The following PXDNL variants were observed in gnomAD, a reference collection of about 807,000 sequenced individuals.
The protein encoded by PXDNL is probable oxidoreductase PXDNL.
PXDNL carries 145 observed loss-of-function variants against 150.8 expected under a neutral mutation model. The observed-to-expected ratio is 0.96, with a 90% CI of 0.84 to 1.10. The LOEUF (loss-of-function observed/expected upper bound fraction) is 1.10, where lower values mean the gene tolerates loss of function less well. PXDNL is among the 50% of genes least tolerant of loss of function. The pLI is 0.00. For synonymous variants in PXDNL, 757 were observed against 725.7 expected (o/e 1.04, Z -0.69); for missense variants, 2,087 against 1,873.9 (o/e 1.11, Z -2.10).
At chr8:51,715,140 C>A (rs1263546889) in intron 1 of PXDNL, among the ~76,000 whole-genome samples, 2 of 152,176 alleles carry the variant, frequency 1.3e-5, no homozygotes, top group South Asian at 4.1e-4. Flanking sequence ...TTTTTTAAAA[C>A]TCTGACAACT....
chr8:51,546,885 G>C (rs1200952916), intron 4 of PXDNL, among the ~76,000 whole-genome samples: 1 of 152,148 alleles, frequency 6.6e-6, no homozygotes, highest in Non-Finnish European at 1.5e-5. Context: ...GCTTCCCCCA[G>C]TTCTCTGAAA....
At chr8:51,615,711 T>C (rs1446786640) in intron 2 of PXDNL, among the ~76,000 whole-genome samples, 4 of 152,210 alleles carry the variant, frequency 2.6e-5, no homozygotes, top group Non-Finnish European at 4.4e-5. Context: ...CTCCTTAAGA[T>C]AGATTTTACC....
chr8:51,724,143 G>A (rs747251244), intron 1 of PXDNL, among the ~76,000 whole-genome samples: 2 of 152,072 alleles, frequency 1.3e-5, no homozygotes, highest in Admixed American at 6.6e-5. Context: ...TGGGAGGACG[G>A]GTGGAGACTG....
chr8:51,787,601 C>T (rs1012170643), intron 1 of PXDNL, among the ~76,000 whole-genome samples: 1 of 152,180 alleles, frequency 6.6e-6, no homozygotes, highest in Non-Finnish European at 1.5e-5. Context: ...CATAATCAAA[C>T]TTGAACAAAT....
chr8:51,411,104 C>T (rs530349046), intron 16 of PXDNL, 146 bp downstream of exon 16: 97 of 603,368 alleles, frequency 1.6e-4, no homozygotes, highest in Non-Finnish European at 2.3e-4. Context: ...TGAGAAACAT[C>T]TGCATTTATT....
chr8:51,353,168 T>C (rs192657884), intron 19 of PXDNL, among the ~76,000 whole-genome samples: 124 of 150,220 alleles, frequency 8.3e-4, no homozygotes, highest in Non-Finnish European at 1.2e-3. Context: ...GTATTATATA[T>C]ATATTATACC....
chr8:51,620,786 T>G (rs1483402916), intron 2 of PXDNL, among the ~76,000 whole-genome samples: 1 of 152,172 alleles, frequency 6.6e-6, no homozygotes, highest in Non-Finnish European at 1.5e-5. Context: ...GCTCAGGCAA[T>G]CCACCTGCCT....
intron 19 of PXDNL, among the ~76,000 whole-genome samples, chr8:51,365,645 C>T (rs1364309416): frequency 6.6e-6 from 1 of 152,136 alleles, no homozygotes; most frequent in Non-Finnish European, 1.5e-5. Flanking sequence ...CTTTCTTCAA[C>T]TGGAATGACA....
intron 2 of PXDNL, among the ~76,000 whole-genome samples, chr8:51,600,841 C>T (rs188262831): frequency 0.012 from 1,342 of 112,708 alleles, 10 homozygotes; most frequent in South Asian, 0.025. Context: ...TAATAAATTA[C>T]ATCTTATATA....
intron 3 of PXDNL, among the ~76,000 whole-genome samples, chr8:51,586,891 C>T (rs796348751): frequency 1.8e-4 from 28 of 152,234 alleles, no homozygotes; most frequent in Admixed American, 5.2e-4. Flanking sequence ...AGAATGATAA[C>T]CATGGCCAGA....
At chr8:51,801,403 G>C (rs747759017) in intron 1 of PXDNL, among the ~76,000 whole-genome samples, 2 of 151,864 alleles carry the variant, frequency 1.3e-5, no homozygotes, top group African/African-American at 4.8e-5. Context: ...CCTTTGCCTT[G>C]TGATCTTTAT....
chr8:51,778,385 G>A (rs1010159758), intron 1 of PXDNL, among the ~76,000 whole-genome samples: 1 of 152,104 alleles, frequency 6.6e-6, no homozygotes, highest in African/African-American at 2.4e-5. Context: ...GACTTTGGAG[G>A]GTGACTACTG....
At chr8:51,452,036 G>C (rs1809819283) in intron 10 of PXDNL, among the ~76,000 whole-genome samples, 1 of 152,186 alleles carries the variant, frequency 6.6e-6, no homozygotes. Flanking sequence ...AAGGTTACCA[G>C]AGTTCTGTTA....
At chr8:51,637,974 G>C (rs1410365169) in intron 2 of PXDNL, among the ~76,000 whole-genome samples, 1 of 152,176 alleles carries the variant, frequency 6.6e-6, no homozygotes, top group Non-Finnish European at 1.5e-5. Context: ...ACCCACAAGG[G>C]GAAGCCCATC....
chr8:51,392,939 C>G (rs372958228), intron 17 of PXDNL, among the ~76,000 whole-genome samples: 3 of 152,114 alleles, frequency 2.0e-5, no homozygotes, highest in Non-Finnish European at 4.4e-5. Flanking sequence ...AGAGAGTACA[C>G]TATTGGGAGT....
At chr8:51,493,483 G>A (rs1275599537) in intron 5 of PXDNL, among the ~76,000 whole-genome samples, 4 of 152,088 alleles carry the variant, frequency 2.6e-5, no homozygotes, top group Admixed American at 2.0e-4. Flanking sequence ...AAACTACTCC[G>A]AGCTAAAGGA....
intron 19 of PXDNL, among the ~76,000 whole-genome samples, chr8:51,365,860 T>C (rs1184624802): frequency 6.6e-6 from 1 of 152,164 alleles, no homozygotes. Flanking sequence ...ACTGAGCTCC[T>C]GCACCAGGCC....
At chr8:51,540,598 T>C (rs1196897384) in intron 4 of PXDNL, among the ~76,000 whole-genome samples, 1 of 152,202 alleles carries the variant, frequency 6.6e-6, no homozygotes, top group African/African-American at 2.4e-5. Flanking sequence ...TTAAATCCTT[T>C]AAAATTTATT....
At chr8:51,341,945 AC>A (rs1805995689) in intron 20 of PXDNL, among the ~76,000 whole-genome samples, 1 of 152,168 alleles carries the variant, frequency 6.6e-6, no homozygotes, top group Non-Finnish European at 1.5e-5. Context: ...TAGCAATCCC[AC>A]GCCTGGGTAT....
Sources: gnomAD v4.1 joint callset for allele counts (sites outside exome capture counted in the v4.1 genomes callset) on GRCh38, gnomAD v4.1.1 for gene constraint, MANE v1.5 for transcripts, NCBI Gene and HGNC (gene_info 2026-07-23, HGNC 2026-07-21) for gene names.